SMIM35: variants seen among roughly 807,000 people sequenced by gnomAD.
SMIM35 encodes the protein small integral membrane protein 35.
intron 1 of SMIM35, among the ~76,000 whole-genome samples, chr11:118,041,843 G>A (rs934072639): frequency 1.3e-5 from 2 of 151,972 alleles, no homozygotes; most frequent in African/African-American, 4.8e-5. Flanking sequence ...TTGAGGTTGG[G>A]AGTTCAAGAC....
intron 1 of SMIM35, among the ~76,000 whole-genome samples, chr11:118,069,322 C>T (rs868735202): frequency 7.2e-5 from 11 of 152,230 alleles, no homozygotes; most frequent in Middle Eastern, 3.4e-3. Flanking sequence ...GTCTTCATGC[C>T]GGTAGACCAG....
intron 1 of SMIM35, among the ~76,000 whole-genome samples, chr11:118,053,268 G>A (rs11828580): frequency 0.33 from 49,599 of 150,754 alleles, 8,157 homozygotes; most frequent in East Asian, 0.38. Flanking sequence ...AGATCATGCC[G>A]TTGCACTCCA....
At chr11:118,006,899 A>C (rs1191490191) in intron 4 of SMIM35, among the ~76,000 whole-genome samples, 2 of 152,222 alleles carry the variant, frequency 1.3e-5, no homozygotes, top group Non-Finnish European at 2.9e-5. Context: ...TGTGGTCAAG[A>C]GACAAGGCAA....
chr11:118,042,850 T>A (rs1018396850), intron 1 of SMIM35, among the ~76,000 whole-genome samples: 3 of 152,242 alleles, frequency 2.0e-5, no homozygotes, highest in African/African-American at 4.8e-5. Context: ...TAGTTCAGCA[T>A]CTGAAAATCA....
intron 1 of SMIM35, among the ~76,000 whole-genome samples, chr11:118,066,382 C>G (rs1355978100): frequency 6.6e-6 from 1 of 152,052 alleles, no homozygotes; most frequent in Non-Finnish European, 1.5e-5. Context: ...ACTATTCTCT[C>G]TACCCCAGGC....
At chr11:118,079,782 C>T (rs1944984782) in intron 1 of SMIM35, among the ~76,000 whole-genome samples, 1 of 152,162 alleles carries the variant, frequency 6.6e-6, no homozygotes, top group South Asian at 2.1e-4. Context: ...AGCCTGCGGG[C>T]AGCGGGGTGC....
chr11:118,033,554 A>T (rs983864313), intron 1 of SMIM35, among the ~76,000 whole-genome samples: 1 of 152,104 alleles, frequency 6.6e-6, no homozygotes, highest in Non-Finnish European at 1.5e-5. Flanking sequence ...GCTTCCAGAA[A>T]ATGTCCCTGT....
rs370358641 is a variant in SMIM35 at position 118,017,808 on chromosome 11, CT to C, written c.8-2000del. ...TGGAAGGGGAAACAAACACGTCCTT[CT>C]TCACATGACGGCAGGAAGGAGAAGA... On this transcript the variant is annotated intron_variant, in intron 1 of 4. Coordinates refer to ENST00000689828, the MANE Select transcript of SMIM35 (RefSeq NM_001394165.1). Among the ~76,000 whole-genome samples, 798 of 152,288 alleles carry C rather than the reference CT, an allele frequency of 5.2e-3. 7 individuals carry two copies. The highest frequency in any genetic ancestry group is 0.019 in the African/African-American group (769 of 41,548).
At chr11:118,086,273 G>A (rs1397306209) in intron 1 of SMIM35, among the ~76,000 whole-genome samples, 1 of 152,246 alleles carries the variant, frequency 6.6e-6, no homozygotes, top group Non-Finnish European at 1.5e-5. Context: ...AGGCTGGCAG[G>A]GGATAATGGC....
Position 118,015,688 on chromosome 11 carries a change from C to T in SMIM35, c.124+5G>A. 2.5e-6 allele frequency: 1 copy of T among 399,272 alleles called. No homozygotes were observed. The highest frequency in any genetic ancestry group is 3.6e-5 in the East Asian group (1 of 28,086). The allele number at this position is 399,272 out of a possible 1,614,324, so 24.7% of individuals were successfully genotyped here. A position where few individuals can be genotyped will look rare whatever the true frequency, so the allele number is the denominator to read the frequency against. On this transcript the variant is annotated splice_donor_5th_base_variant and intron_variant, in intron 2 of 4. Transcript: ENST00000689828. ...CCGGGGCTACAGGGCCCAGTGCACA[C>T]TCACCCTCCCAGCAGTACCCGCGCT...
At chr11:118,008,024 C>T (rs2058130641) in intron 4 of SMIM35, among the ~76,000 whole-genome samples, 1 of 152,092 alleles carries the variant, frequency 6.6e-6, no homozygotes. Flanking sequence ...CACGAGCCAC[C>T]ACGCTCGGCT....
chr11:118,040,727 C>A (rs1424736821), intron 1 of SMIM35, among the ~76,000 whole-genome samples: 1 of 151,722 alleles, frequency 6.6e-6, no homozygotes, highest in Non-Finnish European at 1.5e-5. Context: ...ATTTAAAAAG[C>A]AATCATACAA....
chr11:118,048,126 TAAG>T (rs144868593), intron 1 of SMIM35, among the ~76,000 whole-genome samples: 2,457 of 152,348 alleles, frequency 0.016, 105 homozygotes, highest in East Asian at 0.1. Context: ...TTCACGTTTT[TAAG>T]AAGAGACTTA....
intron 1 of SMIM35, among the ~76,000 whole-genome samples, chr11:118,079,400 G>A (rs1316033206): frequency 6.6e-6 from 1 of 152,054 alleles, no homozygotes; most frequent in Non-Finnish European, 1.5e-5. Flanking sequence ...GCTCTCCCAA[G>A]AACCCATTAA....
intron 1 of SMIM35, among the ~76,000 whole-genome samples, chr11:118,070,503 T>C (rs1224882478): frequency 1.3e-5 from 2 of 152,200 alleles, no homozygotes; most frequent in Non-Finnish European, 2.9e-5. Flanking sequence ...TTAAAAACAC[T>C]GTCAAACACT....
chr11:118,023,684 G>A (rs573141186), intron 1 of SMIM35, among the ~76,000 whole-genome samples: 1 of 152,112 alleles, frequency 6.6e-6, no homozygotes, highest in East Asian at 1.9e-4. Flanking sequence ...TGCACTTGAA[G>A]GCATAGCAAT....
chr11:118,061,723 C>T (rs960841114), intron 1 of SMIM35, among the ~76,000 whole-genome samples: 15 of 152,136 alleles, frequency 9.9e-5, no homozygotes, highest in African/African-American at 3.6e-4. Flanking sequence ...CTTGGATCTA[C>T]GGGGCCCATT....
At chr11:118,064,028 G>A (rs1944431167) in intron 1 of SMIM35, among the ~76,000 whole-genome samples, 1 of 152,248 alleles carries the variant, frequency 6.6e-6, no homozygotes, top group African/African-American at 2.4e-5. Flanking sequence ...CTGGTGGGAA[G>A]GGAGTTGCGG....
intron 1 of SMIM35, among the ~76,000 whole-genome samples, chr11:118,034,348 T>C (rs1312475650): frequency 6.6e-6 from 1 of 152,156 alleles, no homozygotes; most frequent in African/African-American, 2.4e-5. Flanking sequence ...TAATAAATAT[T>C]AGTTGTTGAT....
Sources: allele counts gnomAD v4.1 joint callset (sites outside exome capture counted in the v4.1 genomes callset), GRCh38; gene constraint gnomAD v4.1.1; transcripts MANE v1.5; gene names NCBI Gene and HGNC (gene_info 2026-07-23, HGNC 2026-07-21).